Variants in OTUD7A observed in about 807,000 individuals in gnomAD.
The protein encoded by OTUD7A is OTU domain-containing protein 7A.
A neutral mutation model predicts 65.7 loss-of-function variants in OTUD7A; 12 were observed. The ratio of observed to expected loss-of-function variants is 0.18; its 90% confidence interval spans 0.12 to 0.30. The LOEUF is 0.30. Ranked by LOEUF, OTUD7A falls within the 10% of genes least tolerant of loss-of-function variation. The pLI is 1.00. For synonymous variants in OTUD7A, 641 were observed against 586.3 expected (o/e 1.09, Z -1.35); for missense variants, 1,148 against 1,304.8 (o/e 0.88, Z 1.85).
At chr15:31,562,532 C>T (rs148389844) in intron 4 of OTUD7A, among the ~76,000 whole-genome samples, 140 of 152,080 alleles carry the variant, frequency 9.2e-4, no homozygotes, top group Admixed American at 2.2e-3. Flanking sequence ...TCCAGATGAC[C>T]GGCGCCTCCC....
At chr15:31,520,679 C>A (rs979007070) in intron 8 of OTUD7A, among the ~76,000 whole-genome samples, 2 of 152,144 alleles carry the variant, frequency 1.3e-5, no homozygotes, top group African/African-American at 4.8e-5. Flanking sequence ...GGAACACATG[C>A]TGTTGGTAGG....
chr15:31,662,886 T>C (rs1427462887), intron 1 of OTUD7A, among the ~76,000 whole-genome samples: 6 of 152,218 alleles, frequency 3.9e-5, no homozygotes, highest in Admixed American at 1.3e-4. Context: ...TGATAGCATA[T>C]TACACAGTTA....
intron 1 of OTUD7A, chr15:31,767,430 A>G (rs1487786212): frequency 6.5e-6 from 5 of 774,506 alleles, no homozygotes; most frequent in Admixed American, 3.4e-5. Context: ...TGGATTATTC[A>G]TATCATTGCT....
chr15:31,750,765 G>C (rs538724453), intron 1 of OTUD7A, among the ~76,000 whole-genome samples: 2 of 152,196 alleles, frequency 1.3e-5, no homozygotes, highest in South Asian at 4.1e-4. Flanking sequence ...ATTTGTGTCA[G>C]GATAAGTTGA....
chr15:31,635,571 T>C (rs1891315924), intron 3 of OTUD7A, among the ~76,000 whole-genome samples: 1 of 152,164 alleles, frequency 6.6e-6, no homozygotes, highest in Non-Finnish European at 1.5e-5. Context: ...AGGGAGGGTG[T>C]ATGAAGGCGC....
intron 5 of OTUD7A, among the ~76,000 whole-genome samples, chr15:31,535,850 G>C (rs1424219999): frequency 6.7e-6 from 1 of 148,876 alleles, no homozygotes; most frequent in African/African-American, 2.5e-5. Context: ...CTAATTTTTT[G>C]TATTTTTTTT....
At chr15:31,495,225 G>A (rs17816007) in intron 10 of OTUD7A, among the ~76,000 whole-genome samples, 18,324 of 152,214 alleles carry the variant, frequency 0.12, 1,298 homozygotes, top group Middle Eastern at 0.18. Context: ...CATCCCTTTG[G>A]AACAGTGCTT....
intron 8 of OTUD7A, among the ~76,000 whole-genome samples, chr15:31,519,124 G>C (rs1243017072): frequency 2.0e-5 from 3 of 151,254 alleles, no homozygotes; most frequent in East Asian, 1.9e-4. Flanking sequence ...TGTGCTGTGT[G>C]TGTGTGTGTG....
intron 1 of OTUD7A, among the ~76,000 whole-genome samples, chr15:31,757,216 G>C (rs1031723384): frequency 2.0e-5 from 3 of 152,100 alleles, no homozygotes; most frequent in Non-Finnish European, 4.4e-5. Context: ...TCTTAAGTTG[G>C]AGCCCAGACA....
rs560506047 is a variant in OTUD7A at position 31,799,150 on chromosome 15, G to A, written c.-100+71357C>T. Among the ~76,000 whole-genome samples the A allele has an allele frequency of 6.6e-5, 10 of 152,318 alleles. No homozygotes were observed. In the East Asian group the frequency reaches 1.9e-3, roughly 29 times the overall value. On this transcript the variant is annotated intron_variant, in intron 1 of 12. Coordinates refer to ENST00000307050, the MANE Select transcript of OTUD7A (RefSeq NM_001382637.1). ...GAACAGAGAGAAGGCTGGAGTGGCT[G>A]GGGTGAATCCAGCAAAGACACGGGA...
At chr15:31,700,700 AT>A (rs1461519696) in intron 1 of OTUD7A, among the ~76,000 whole-genome samples, 1 of 151,362 alleles carries the variant, frequency 6.6e-6, no homozygotes, top group Non-Finnish European at 1.5e-5. Context: ...ACCTGATATC[AT>A]TCAGTGGTGT....
At chr15:31,632,170 T>C (rs930562472) in intron 3 of OTUD7A, among the ~76,000 whole-genome samples, 5 of 152,140 alleles carry the variant, frequency 3.3e-5, no homozygotes, top group African/African-American at 1.2e-4. Flanking sequence ...GTGCTCTGCT[T>C]TTTAGTGTTT....
intron 1 of OTUD7A, among the ~76,000 whole-genome samples, chr15:31,792,564 C>T (rs988268645): frequency 6.6e-6 from 1 of 152,196 alleles, no homozygotes; most frequent in African/African-American, 2.4e-5. Flanking sequence ...CTGGCCCCCA[C>T]CTTTATTCAG....
chr15:31,856,788 A>G (rs995689004), intron 1 of OTUD7A, among the ~76,000 whole-genome samples: 3 of 152,226 alleles, frequency 2.0e-5, no homozygotes, highest in African/African-American at 7.2e-5. Flanking sequence ...AAAGGAAAGA[A>G]CACAAGGAAA....
rs530023830 is a variant in OTUD7A, at chr15:31,638,848, C to G, written c.151+16248G>C. The stretch of plus-strand genomic sequence containing the variant: ...ACATATATACCACTCTCAAAAGATT[C>G]CTCAGGCCAGGTGCGGTCGCTCACG... On this transcript the variant is annotated intron_variant, in intron 3 of 12. Transcript: ENST00000307050. 1.4e-4 allele frequency among the ~76,000 whole-genome samples: 22 copies of G among 152,166 alleles called. No homozygotes were observed. The East Asian group carries it at 3.9e-3, about 27-fold the overall frequency.
chr15:31,866,541 T>C (rs1454195601), intron 1 of OTUD7A, among the ~76,000 whole-genome samples: 1 of 152,248 alleles, frequency 6.6e-6, no homozygotes, highest in Non-Finnish European at 1.5e-5. Context: ...CCTTGTGGCA[T>C]CTGTGTTAAG....
intron 1 of OTUD7A, chr15:31,766,086 T>G: frequency 6.8e-7 from 1 of 1,466,316 alleles, no homozygotes; most frequent in East Asian, 2.3e-5. Flanking sequence ...CCTTTTTAAG[T>G]AGTCAAGATG....
At chr15:31,737,547 C>T (rs986768182) in intron 1 of OTUD7A, among the ~76,000 whole-genome samples, 1 of 152,174 alleles carries the variant, frequency 6.6e-6, no homozygotes, top group Non-Finnish European at 1.5e-5. Context: ...CTTCTATGCC[C>T]TTTTTGGAAA....
chr15:31,792,289 G>A lies in OTUD7A; in HGVS notation c.-100+78218C>T, dbSNP rs566765929. Among the ~76,000 whole-genome samples the A allele has an allele frequency of 3.3e-5, 5 of 152,184 alleles. No individual in the cohort carries two copies. The East Asian group carries it at 9.7e-4, about 29-fold the overall frequency. On this transcript the variant is annotated intron_variant, in intron 1 of 12. Coordinates refer to ENST00000307050, the MANE Select transcript of OTUD7A (RefSeq NM_001382637.1). Reference sequence around the variant, plus strand: ...CTACATTCGATTCTCCACACAGCAGGAAGGGTCATTTTTTAACACAGAAAC... The same window carrying A: ...CTACATTCGATTCTCCACACAGCAGAAAGGGTCATTTTTTAACACAGAAAC...
Sources: gnomAD v4.1 joint callset for allele counts (sites outside exome capture counted in the v4.1 genomes callset) on GRCh38, gnomAD v4.1.1 for gene constraint, MANE v1.5 for transcripts, NCBI Gene and HGNC (gene_info 2026-07-23, HGNC 2026-07-21) for gene names.